Variants in JARID2 observed in about 807,000 individuals in gnomAD.
The protein encoded by JARID2 is protein Jumonji.
Under a neutral mutation model 125.6 loss-of-function variants are expected in JARID2, and 21 were observed. That is an observed-to-expected ratio of 0.17 (90% CI 0.12 to 0.24). The LOEUF (loss-of-function observed/expected upper bound fraction) is 0.24. JARID2 is among the 10% of genes least tolerant of loss of function. JARID2 has a pLI of 1.00. For synonymous variants in JARID2, 736 were observed against 661.6 expected (o/e 1.11, Z -1.73); for missense variants, 1,303 against 1,639.6 (o/e 0.79, Z 3.55).
At chr6:15,396,895 C>T (rs1246835324) in intron 2 of JARID2, among the ~76,000 whole-genome samples, 1 of 152,208 alleles carries the variant, frequency 6.6e-6, no homozygotes, top group Non-Finnish European at 1.5e-5. Context: ...TGCATACCAT[C>T]ACCCAGTCCG....
intron 1 of JARID2, among the ~76,000 whole-genome samples, chr6:15,284,291 T>C (rs1462109757): frequency 6.6e-6 from 1 of 152,208 alleles, no homozygotes; most frequent in African/African-American, 2.4e-5. Flanking sequence ...CCACATATTA[T>C]GGATGTCTTA....
intron 1 of JARID2, among the ~76,000 whole-genome samples, chr6:15,366,762 T>G (rs1044286926): frequency 6.6e-6 from 1 of 151,990 alleles, no homozygotes; most frequent in Non-Finnish European, 1.5e-5. Context: ...AGGATTGTTT[T>G]TTTGCAGCAC....
chr6:15,415,882 C>T (rs1766170384), intron 3 of JARID2, among the ~76,000 whole-genome samples: 1 of 151,626 alleles, frequency 6.6e-6, no homozygotes, highest in Non-Finnish European at 1.5e-5. Flanking sequence ...ACCCCCACCT[C>T]CCTCCCGGAT....
At chr6:15,462,997 T>G (rs77439453) in intron 4 of JARID2, among the ~76,000 whole-genome samples, 2,287 of 152,328 alleles carry the variant, frequency 0.015, 25 homozygotes, top group Non-Finnish European at 0.021. Flanking sequence ...GCCAGCTAAT[T>G]CTGAAAAGTA....
At chr6:15,369,645 AG>A (rs2127507900) in intron 1 of JARID2, among the ~76,000 whole-genome samples, 1 of 152,356 alleles carries the variant, frequency 6.6e-6, no homozygotes, top group East Asian at 1.9e-4. Flanking sequence ...ATGGGCTATT[AG>A]TTGACTTGAA....
intron 16 of JARID2, among the ~76,000 whole-genome samples, chr6:15,516,581 G>A (rs964553638): frequency 2.0e-5 from 3 of 152,244 alleles, no homozygotes; most frequent in African/African-American, 7.2e-5. Flanking sequence ...AATCTGTGAT[G>A]TTGAGGGTTT....
intron 1 of JARID2, among the ~76,000 whole-genome samples, chr6:15,284,217 C>G (rs562085611): frequency 6.6e-6 from 1 of 152,304 alleles, no homozygotes; most frequent in African/African-American, 2.4e-5. Context: ...TCCCATCACC[C>G]TACCCACTAA....
chr6:15,421,883 G>C (rs752750972), intron 3 of JARID2, among the ~76,000 whole-genome samples: 2 of 152,190 alleles, frequency 1.3e-5, no homozygotes, highest in Non-Finnish European at 2.9e-5. Context: ...GTCCACAACT[G>C]TGCTGAGGGG....
intron 1 of JARID2, among the ~76,000 whole-genome samples, chr6:15,317,452 T>C (rs1463100218): frequency 6.6e-6 from 1 of 152,168 alleles, no homozygotes; most frequent in Non-Finnish European, 1.5e-5. Flanking sequence ...CAACCGACAT[T>C]GTGGTAAGAG....
chr6:15,510,329 C>T (rs958851014), intron 12 of JARID2, among the ~76,000 whole-genome samples: 2 of 152,092 alleles, frequency 1.3e-5, no homozygotes, highest in East Asian at 1.9e-4. Flanking sequence ...CCCTGCCTTG[C>T]GGGGGGCCTC....
At chr6:15,369,698 A>G (rs77913926) in intron 1 of JARID2, among the ~76,000 whole-genome samples, 2,994 of 152,364 alleles carry the variant, frequency 0.02, 97 homozygotes, top group African/African-American at 0.068. Flanking sequence ...AGGGTCGGGC[A>G]GGAGCATCAT....
intron 1 of JARID2, among the ~76,000 whole-genome samples, chr6:15,328,506 C>T (rs760626018): frequency 2.6e-5 from 4 of 152,024 alleles, no homozygotes; most frequent in African/African-American, 4.8e-5. Flanking sequence ...TCATTGGGAG[C>T]GTTAAGTGAT....
chr6:15,410,207 C>G lies in JARID2; in HGVS notation c.182-17C>G. The G allele has an allele frequency of 6.2e-7, 1 of 1,610,406 alleles. No individual in the cohort carries two copies. The highest frequency in any genetic ancestry group is 8.5e-7 in the Non-Finnish European group (1 of 1,177,424). On this transcript the variant is annotated splice_polypyrimidine_tract_variant and intron_variant, in intron 2 of 17. Coordinates refer to ENST00000341776, the MANE Select transcript of JARID2 (RefSeq NM_004973.4). ...ATGTGATGTATTTAAGTGTTTGTCC[C>G]CTTTTCTCACCTGTAGGGCTCCTTG...
At chr6:15,464,434 C>G (rs1400613145) in intron 4 of JARID2, among the ~76,000 whole-genome samples, 1 of 152,160 alleles carries the variant, frequency 6.6e-6, no homozygotes, top group Non-Finnish European at 1.5e-5. Flanking sequence ...GAGGTCTGTT[C>G]CTTCTAGGGG....
intron 1 of JARID2, among the ~76,000 whole-genome samples, chr6:15,279,499 G>T (rs1760670522): frequency 6.6e-6 from 1 of 152,202 alleles, no homozygotes; most frequent in Non-Finnish European, 1.5e-5. Context: ...GGTCGTGGAA[G>T]TATGTGCCCA....
At chr6:15,341,249 C>T (rs749981108) in intron 1 of JARID2, among the ~76,000 whole-genome samples, 5 of 152,242 alleles carry the variant, frequency 3.3e-5, no homozygotes, top group Non-Finnish European at 7.4e-5. Flanking sequence ...GCTTCATGTA[C>T]CTACTGTTTA....
intron 5 of JARID2, among the ~76,000 whole-genome samples, chr6:15,474,541 T>C (rs1195762121): frequency 1.3e-5 from 2 of 152,208 alleles, no homozygotes; most frequent in South Asian, 2.1e-4. Flanking sequence ...ATTCTTAATT[T>C]CTACTTCTGT....
At chr6:15,406,718 C>CT (rs1304760617) in intron 2 of JARID2, among the ~76,000 whole-genome samples, 2 of 152,120 alleles carry the variant, frequency 1.3e-5, no homozygotes, top group African/African-American at 4.8e-5. Context: ...TTTAATATTC[C>CT]TAGGTATTTT....
intron 1 of JARID2, among the ~76,000 whole-genome samples, chr6:15,282,799 C>G (rs1222466493): frequency 3.3e-5 from 5 of 152,008 alleles, no homozygotes; most frequent in African/African-American, 1.2e-4. Context: ...CAGGGTTTCT[C>G]CATGTTGGTC....
Sources: gnomAD v4.1 joint callset for allele counts (sites outside exome capture counted in the v4.1 genomes callset) on GRCh38, gnomAD v4.1.1 for gene constraint, MANE v1.5 for transcripts, NCBI Gene and HGNC (gene_info 2026-07-23, HGNC 2026-07-21) for gene names.